Variants in AGBL4 observed in about 807,000 individuals in gnomAD.
AGBL4 encodes cytosolic carboxypeptidase 6.
AGBL4 carries 58 observed loss-of-function variants against 66.4 expected under a neutral mutation model. That is an observed-to-expected ratio of 0.87 (90% CI 0.71 to 1.09). The LOEUF (loss-of-function observed/expected upper bound fraction) is 1.09. Ranked by LOEUF, AGBL4 falls within the 50% of genes least tolerant of loss-of-function variation. The probability of loss-of-function intolerance (pLI) is 0.00; values close to 1 mark genes in which losing one functional copy is unlikely to be tolerated. For missense variants in AGBL4, 579 were observed against 631.0 expected (o/e 0.92, Z 0.88); for synonymous variants, 234 against 222.9 (o/e 1.05, Z -0.44).
At chr1:49,510,611 T>G (rs1187660606) in intron 3 of AGBL4, among the ~76,000 whole-genome samples, 24 of 149,122 alleles carry the variant, frequency 1.6e-4, no homozygotes, top group Middle Eastern at 3.4e-3. Context: ...GTCAATTTTG[T>G]CTTTGGTTGC....
chr1:50,023,714 G>A, intron 1 of AGBL4, 49 bp downstream of exon 1: 3 of 1,535,408 alleles, frequency 2.0e-6, no homozygotes, highest in South Asian at 1.2e-5. Flanking sequence ...CTGAGACCCA[G>A]GACAGCCTGG....
rs1482838826 is a variant in AGBL4, at chr1:49,799,687, T to A, written c.157+51709A>T. Among the ~76,000 whole-genome samples the A allele has an allele frequency of 3.9e-5, 6 of 152,244 alleles. No individual in the cohort carries two copies. In the East Asian group the frequency reaches 1.2e-3, roughly 29 times the overall value. ...GCATCTTGATGGCATCATCAAGACA[T>A]AGTGACTAAGCCAAAAAGATGGTCA... On this transcript the variant is annotated intron_variant, in intron 2 of 13. Coordinates refer to ENST00000371839, the MANE Select transcript of AGBL4 (RefSeq NM_032785.4).
chr1:48,857,988 A>G (rs1647219488), intron 6 of AGBL4, among the ~76,000 whole-genome samples: 1 of 152,206 alleles, frequency 6.6e-6, no homozygotes, highest in African/African-American at 2.4e-5. Context: ...AAAGACAAAT[A>G]TAGTCCAATC....
At chr1:49,102,276 G>GGA (rs1645216566) in intron 4 of AGBL4, among the ~76,000 whole-genome samples, 1 of 152,142 alleles carries the variant, frequency 6.6e-6, no homozygotes, top group African/African-American at 2.4e-5. Context: ...ATTTTAGAGT[G>GGA]GAGGAGGAGG....
At chr1:49,000,445 A>G (rs1472669058) in intron 5 of AGBL4, among the ~76,000 whole-genome samples, 2 of 152,180 alleles carry the variant, frequency 1.3e-5, no homozygotes, top group Non-Finnish European at 2.9e-5. Flanking sequence ...CCATTGCTAT[A>G]CCTCCAGCCT....
At chr1:49,623,200 G>A (rs1285816462) in intron 3 of AGBL4, among the ~76,000 whole-genome samples, 1 of 152,178 alleles carries the variant, frequency 6.6e-6, no homozygotes, top group African/African-American at 2.4e-5. Flanking sequence ...CTCCACAAAG[G>A]TTTGGAATTG....
intron 3 of AGBL4, among the ~76,000 whole-genome samples, chr1:49,649,172 AT>A (rs1645951772): frequency 6.6e-6 from 1 of 152,164 alleles, no homozygotes; most frequent in South Asian, 2.1e-4. Flanking sequence ...AAAGATAGAG[AT>A]GGTAACAACG....
At chr1:49,651,743 A>G (rs1646010505) in intron 3 of AGBL4, among the ~76,000 whole-genome samples, 1 of 152,146 alleles carries the variant, frequency 6.6e-6, no homozygotes, top group Non-Finnish European at 1.5e-5. Flanking sequence ...AATTCAAAAT[A>G]AGAAGTGACA....
intron 6 of AGBL4, among the ~76,000 whole-genome samples, chr1:48,667,732 C>T (rs1646211434): frequency 6.6e-6 from 1 of 152,160 alleles, no homozygotes; most frequent in Admixed American, 6.5e-5. Flanking sequence ...TCAATGAGGA[C>T]CAAAGCCATA....
At chr1:48,990,001 G>C (rs190147424) in intron 5 of AGBL4, among the ~76,000 whole-genome samples, 5 of 152,272 alleles carry the variant, frequency 3.3e-5, no homozygotes, top group Non-Finnish European at 7.4e-5. Context: ...CCCACCAACA[G>C]TGTTTGAGGA....
At chr1:49,014,858 T>C (rs956859802) in intron 5 of AGBL4, among the ~76,000 whole-genome samples, 1 of 152,202 alleles carries the variant, frequency 6.6e-6, no homozygotes, top group African/African-American at 2.4e-5. Flanking sequence ...ATTCATTATG[T>C]TGGGATGACA....
At chr1:49,294,547 G>C (rs573557430) in intron 3 of AGBL4, among the ~76,000 whole-genome samples, 2 of 152,156 alleles carry the variant, frequency 1.3e-5, no homozygotes, top group Non-Finnish European at 2.9e-5. Context: ...GCATGCCTAT[G>C]AGACCACCCC....
chr1:48,980,695 T>G (rs1239109971), intron 5 of AGBL4, among the ~76,000 whole-genome samples: 2 of 128,076 alleles, frequency 1.6e-5, no homozygotes, highest in African/African-American at 3.0e-5. Flanking sequence ...TGATTGGAAT[T>G]AGTGTTTAAA....
At chr1:48,723,516 T>A (rs1220357587) in intron 6 of AGBL4, among the ~76,000 whole-genome samples, 1 of 152,238 alleles carries the variant, frequency 6.6e-6, no homozygotes, top group Non-Finnish European at 1.5e-5. Flanking sequence ...TCTATTGGTT[T>A]GTCTATTTGC....
chr1:49,250,455 T>C (rs1465891926), intron 3 of AGBL4, among the ~76,000 whole-genome samples: 1 of 150,140 alleles, frequency 6.7e-6, no homozygotes, highest in African/African-American at 2.5e-5. Context: ...TTTTTTTTTT[T>C]TTTTTTTGAG....
At chr1:49,216,621 G>A (rs998622961) in intron 4 of AGBL4, among the ~76,000 whole-genome samples, 1 of 152,086 alleles carries the variant, frequency 6.6e-6, no homozygotes, top group Non-Finnish European at 1.5e-5. Context: ...GTATTCCATA[G>A]TATATATTTC....
At chr1:49,765,242 G>A (rs759645143) in intron 2 of AGBL4, among the ~76,000 whole-genome samples, 10 of 151,124 alleles carry the variant, frequency 6.6e-5, no homozygotes, top group Non-Finnish European at 1.0e-4. Flanking sequence ...AAACCCCCCT[G>A]CTTGTTCCAC....
At chr1:48,526,193 C>A in the AGBL4 span, among the ~76,000 whole-genome samples, 4 of 152,142 alleles carry the variant, frequency 2.6e-5, no homozygotes, top group Admixed American at 6.5e-5. Flanking sequence ...GAGGTGGAGG[C>A]TTTTTATAAC....
intron 4 of AGBL4, among the ~76,000 whole-genome samples, chr1:49,239,271 G>A (rs1420209727): frequency 6.6e-6 from 1 of 151,998 alleles, no homozygotes; most frequent in Non-Finnish European, 1.5e-5. Flanking sequence ...TAGACCAATA[G>A]CAATATTTTA....
Sources: allele counts gnomAD v4.1 joint callset (sites outside exome capture counted in the v4.1 genomes callset), GRCh38; gene constraint gnomAD v4.1.1; transcripts MANE v1.5; gene names NCBI Gene and HGNC (gene_info 2026-07-23, HGNC 2026-07-21).